Variants in KAT2A observed in about 807,000 individuals in gnomAD.
KAT2A encodes lysine acetyltransferase 2A.
KAT2A carries 42 observed loss-of-function variants against 95.2 expected under a neutral mutation model. That is an observed-to-expected ratio of 0.44 (90% CI 0.34 to 0.57). The LOEUF (loss-of-function observed/expected upper bound fraction) is 0.57, where lower values mean the gene tolerates loss of function less well. Ranked by LOEUF, KAT2A falls within the 20% of genes least tolerant of loss-of-function variation. The probability of loss-of-function intolerance (pLI) is 0.01; values close to 1 mark genes in which losing one functional copy is unlikely to be tolerated. For synonymous variants in KAT2A, 449 were observed against 448.2 expected (o/e 1.00, Z -0.02); for missense variants, 784 against 1,126.3 (o/e 0.70, Z 4.35).
In KAT2A at chr17:42,114,011, C is replaced by T. The variant is rs781940628; in HGVS notation, c.2309G>A (p.Arg770His). ...TGGAAGGTCCTCACCAATGGGGAAG[C>T]GGATGACCTCGTAGTAGTCAGGGGC... ...SEAPDYYEVIRFPIDLKTMTE... is the reference protein window; with the variant it reads ...SEAPDYYEVIHFPIDLKTMTE... Residue 770 changes from arginine (R) to histidine (H), a missense_variant, in exon 17 of 18, where the codon CGC becomes CAC. Physicochemically the swap from Arg to His is conservative, Grantham distance 29. This residue lies in a region of KAT2A where 195 missense variants were observed against 247.1 expected (regional missense o/e 0.79). Transcript: ENST00000225916. The surrounding 1 kb of genome is among the most constrained non-coding windows in gnomAD (Gnocchi z 6.0). 24 of 1,514,760 alleles carry T rather than the reference C, an allele frequency of 1.6e-5. No individual in the cohort carries two copies. The highest frequency in any genetic ancestry group is 1.1e-5 in the Non-Finnish European group (13 of 1,136,022). The allele number at this position is 1,514,760 out of a possible 1,614,324, so 93.8% of individuals were successfully genotyped here. A position where few individuals can be genotyped will look rare whatever the true frequency, so the allele number is the denominator to read the frequency against.
intron 12 of KAT2A, among the ~76,000 whole-genome samples, chr17:42,115,239 C>T (rs1344431949): frequency 6.7e-6 from 1 of 150,250 alleles, no homozygotes. Context: ...CCGAAGAGTC[C>T]CCCAGTTCCT....
In KAT2A at chr17:42,113,645, G is replaced by GGGCCT. The variant is rs781833062; in HGVS notation, c.2513_*3dup. The GGGCCT allele has an allele frequency of 3.1e-6, 5 of 1,603,954 alleles. No homozygotes were observed. The African/African-American group carries it at 6.8e-5, about 22-fold the overall frequency. ...CAGGTCAGGGCTGCGGCCCAAAGAT[G>GGGCCT]GGCCTACTTGTCAATGAGGCCTCCC... On this transcript the variant is annotated 3_prime_UTR_variant, in exon 18 of 18. Transcript: ENST00000225916.
At chr17:42,116,445 C>T (rs1468689710) in intron 11 of KAT2A, among the ~76,000 whole-genome samples, 4 of 152,190 alleles carry the variant, frequency 2.6e-5, no homozygotes, top group Admixed American at 2.6e-4. Context: ...TGGCTGGGCG[C>T]GGTGGCTCAT....
chr17:42,119,653 G>C lies in KAT2A; in HGVS notation c.765C>G (p.Phe255Leu). The change falls in exon 5 of 18, where the codon TTC (phenylalanine) becomes TTG (leucine). Residue 255 changes from phenylalanine to leucine, a missense_variant. This residue lies in a region of KAT2A where 208 missense variants were observed against 339.7 expected (regional missense o/e 0.61). Transcript: ENST00000225916. This position sits in a 1 kb window ranked among gnomAD's most constrained non-coding sequence, Gnocchi z 5.3. ...AGAGCAAGAACATCTTTGAGAGCTC[G>C]AACATCGTCTGCCGCTCCCGGGGAG... The part of the protein sequence containing the change: ...HLAPRERQTM[F>L]ELSKMFLLCL... 6.2e-7 allele frequency: 1 copy of C among 1,613,980 alleles called. No homozygotes were observed. The highest frequency in any genetic ancestry group is 8.5e-7 in the Non-Finnish European group (1 of 1,179,886).
chr17:42,118,808 C>G (rs1555666669), intron 6 of KAT2A, among the ~76,000 whole-genome samples: 1 of 152,208 alleles, frequency 6.6e-6, no homozygotes, highest in Non-Finnish European at 1.5e-5. Flanking sequence ...ATTAGTCAGT[C>G]AGGGTTTTTT....
chr17:42,120,574 AC>A (rs113316904), intron 2 of KAT2A, 131 bp downstream of exon 2: 10,666 of 889,624 alleles, frequency 0.012, 15 homozygotes, highest in Non-Finnish European at 0.014. Context: ...CTTGGTGCAC[AC>A]CCCCCCCCAA....
Position 42,113,504 on chromosome 17 carries a change from AAG to A in KAT2A, c.*143_*144del. 1 of 691,946 alleles carries A rather than the reference AAG, an allele frequency of 1.4e-6. No homozygotes were observed. Among genetic ancestry groups the A allele is most frequent in the Non-Finnish European group, 2.4e-6 (1 of 424,512 alleles). 42.9% of individuals were successfully genotyped at this position (691,946 alleles called of 1,614,324 possible). ...GCTTGGGGGTGCCTGAAGGTCCAGA[AAG>A]AGCTGCAGGATCGGGTCCGGAGGAC... On this transcript the variant is annotated 3_prime_UTR_variant, in exon 18 of 18. Coordinates refer to ENST00000225916, the MANE Select transcript of KAT2A (RefSeq NM_021078.3).
At chr17:42,118,154 G>C in intron 7 of KAT2A, 137 bp from the exon 8 acceptor site, 1 of 752,600 alleles carries the variant, frequency 1.3e-6, no homozygotes, top group Non-Finnish European at 2.2e-6. Context: ...AGAGAGAGAA[G>C]GCAGGGACTG....
rs543417905 is a variant in KAT2A at position 42,113,680 on chromosome 17, T to C, written c.2483A>G (p.Lys828Arg). The C allele has an allele frequency of 1.2e-5, 20 of 1,611,516 alleles. No homozygotes were observed. The highest frequency in any genetic ancestry group is 4.5e-5 in the East Asian group (2 of 44,720). Residue 828 changes from lysine (K) to arginine (R), a missense_variant, in exon 18 of 18, where the codon AAG becomes AGG. Lys to Arg is a conservative substitution (Grantham distance 26). Coordinates refer to ENST00000225916, the MANE Select transcript of KAT2A (RefSeq NM_021078.3). ...ASALEKFFYF[K>R]LKEGGLIDK ...GTCAATGAGGCCTCCCTCCTTGAGC[T>C]TGAAGTAGAAGAACTTCTCCAGGGC...
Position 42,117,346 on chromosome 17 carries a change from T to C in KAT2A, c.1637+42A>G. 1 of 1,599,358 alleles carries C rather than the reference T, an allele frequency of 6.3e-7. No homozygotes were observed. The highest frequency in any genetic ancestry group is 8.6e-7 in the Non-Finnish European group (1 of 1,168,338). Reference sequence around the variant, plus strand: ...TGAAGAGGCCGAGGAGGAAGGGAACTGGGTGTGCTGCCCTGGGGGAGGGGC... The same window carrying C: ...TGAAGAGGCCGAGGAGGAAGGGAACCGGGTGTGCTGCCCTGGGGGAGGGGC... On this transcript the variant is annotated intron_variant, in intron 10 of 17. Coordinates refer to ENST00000225916, the MANE Select transcript of KAT2A (RefSeq NM_021078.3). This position sits in a 1 kb window ranked among gnomAD's most constrained non-coding sequence, Gnocchi z 8.9.
chr17:42,116,731 A>G (rs1418056666), intron 11 of KAT2A, among the ~76,000 whole-genome samples: 1 of 152,208 alleles, frequency 6.6e-6, no homozygotes, highest in Non-Finnish European at 1.5e-5. Context: ...TCAAAAAAAT[A>G]AATAAAAAAT....
rs782468357 is a variant in KAT2A at position 42,113,672 on chromosome 17, CCTT to C, written c.2488_2490del (p.Lys830del). 7.4e-6 allele frequency: 12 copies of C among 1,611,094 alleles called. No individual in the cohort carries two copies. The highest frequency in any genetic ancestry group is 9.3e-6 in the Non-Finnish European group (11 of 1,179,190). ...GCCTACTTGTCAATGAGGCCTCCCT[CCTT>C]GAGCTTGAAGTAGAAGAACTTCTCC... On this transcript the variant is annotated inframe_deletion, in exon 18 of 18. Transcript: ENST00000225916.
chr17:42,115,119 T>C (rs1385571396), intron 12 of KAT2A, 84 bp from the exon 13 acceptor site: 25 of 1,412,466 alleles, frequency 1.8e-5, no homozygotes, highest in East Asian at 4.6e-5. Context: ...ACCAGAGGAG[T>C]AGCACGTGCC....
In KAT2A at chr17:42,114,251, T is replaced by A. The variant is rs545456782; in HGVS notation, c.2203A>T (p.Thr735Ser). ...TGGGCCAGCAGGTTTTTGAGGGTTG[T>A]GTAGAGCTGGTCGGGGTCCTTCAGC... ...KELKDPDQLYTTLKNLLAQIK... is the reference protein window; with the variant it reads ...KELKDPDQLYSTLKNLLAQIK... Residue 735 changes from threonine to serine, a missense_variant, in exon 16 of 18, where the codon ACA becomes TCA. Transcript: ENST00000225916. This position sits in a 1 kb window ranked among gnomAD's most constrained non-coding sequence, Gnocchi z 6.0. The A allele has an allele frequency of 5.5e-5, 89 of 1,608,066 alleles. No homozygotes were observed. The South Asian group carries it at 8.7e-4, about 16-fold the overall frequency.
chr17:42,116,989 A>G (rs782006692), intron 11 of KAT2A, 46 bp downstream of exon 11: 95 of 1,607,854 alleles, frequency 5.9e-5, no homozygotes, highest in African/African-American at 8.0e-5. Flanking sequence ...GCCCAAACTC[A>G]GGAGTGGGCC....
At position 42,115,820 on chromosome 17, in the gene KAT2A, T is replaced by C; in HGVS notation, c.1778A>G (p.His593Arg). ...ATACTCCTTCAGGTGGTTCATCAGG[T>C]GGGTCCCATAACCCTGCGGGGGAGG... ...SNEQVKGYGT[H>R]LMNHLKEYHI... is the part of the protein sequence containing the mutation. Residue 593 changes from histidine to arginine, a missense_variant, in exon 12 of 18, where the codon CAC becomes CGC. By Grantham distance (29) the His-to-Arg change is conservative. Around this residue, in one of 6 missense-constraint regions of KAT2A, gnomAD observed 174 missense variants for 324.9 expected, o/e 0.54. Transcript: ENST00000225916. The C allele has an allele frequency of 6.2e-7, 1 of 1,610,934 alleles. No homozygotes were observed. Among genetic ancestry groups the C allele is most frequent in the Non-Finnish European group, 8.5e-7 (1 of 1,177,152 alleles).
In KAT2A at chr17:42,114,954, A is replaced by G; in HGVS notation, c.1957T>C (p.Cys653Arg). The G allele has an allele frequency of 6.2e-7, 1 of 1,613,722 alleles. No homozygotes were observed. Among genetic ancestry groups the G allele is most frequent in the Admixed American group, 1.7e-5 (1 of 59,976 alleles). ...KDYEGATLME[C>R]ELNPRIPYTE... ...TAGGGGATGCGGGGATTCAGCTCAC[A>G]CTCCATCAGCGTCGCTCCCTCGTAG... The change falls in exon 13 of 18, where the codon TGT (cysteine) becomes CGT (arginine). Residue 653 changes from cysteine to arginine, a missense_variant. By Grantham distance (180) the Cys-to-Arg change is radical. This residue lies in a region of KAT2A where 195 missense variants were observed against 247.1 expected (regional missense o/e 0.79). Coordinates refer to ENST00000225916, the MANE Select transcript of KAT2A (RefSeq NM_021078.3). This position sits in a 1 kb window ranked among gnomAD's most constrained non-coding sequence, Gnocchi z 6.0.
rs781979999 is a variant in KAT2A at position 42,120,344 on chromosome 17, C to T, written c.490G>A (p.Val164Met). Residue 164 changes from valine (V) to methionine (M), a missense_variant, in exon 3 of 18, where the codon GTG becomes ATG. Coordinates refer to ENST00000225916, the MANE Select transcript of KAT2A (RefSeq NM_021078.3). Reference sequence around the variant, plus strand: ...AGTCGGTTTATCTCATCCTCTGACACATTCTCCAAGTGGGATACGTGGTCA... The same window carrying T: ...AGTCGGTTTATCTCATCCTCTGACATATTCTCCAAGTGGGATACGTGGTCA... ...LADHVSHLENVSEDEINRLLG... is the reference protein window; with the variant it reads ...LADHVSHLENMSEDEINRLLG... The T allele has an allele frequency of 4.3e-6, 7 of 1,614,120 alleles. No homozygotes were observed. The highest frequency in any genetic ancestry group is 5.9e-6 in the Non-Finnish European group (7 of 1,180,032).
Position 42,117,612 on chromosome 17 carries a change from G to A in KAT2A, c.1429-16C>T, listed in dbSNP as rs782092850. 6.8e-6 allele frequency: 11 copies of A among 1,609,116 alleles called. No individual in the cohort carries two copies. The highest frequency in any genetic ancestry group is 9.3e-6 in the Non-Finnish European group (11 of 1,177,130). ...GCAGGCTCGTCTGGGCACAGAAGAG[G>A]GGTGGTGAGCCGGGGTCTCAGGTTG... is the stretch of plus-strand genomic sequence containing the variant. On this transcript the variant is annotated splice_polypyrimidine_tract_variant and intron_variant, in intron 9 of 17. Transcript: ENST00000225916. This position sits in a 1 kb window ranked among gnomAD's most constrained non-coding sequence, Gnocchi z 8.9.
Sources: allele counts gnomAD v4.1 joint callset (sites outside exome capture counted in the v4.1 genomes callset), GRCh38; gene constraint gnomAD v4.1.1; regional missense constraint gnomAD v4.1.1; non-coding constraint Gnocchi (gnomAD v3.1); transcripts MANE v1.5; gene names NCBI Gene and HGNC (gene_info 2026-07-23, HGNC 2026-07-21).